Variants in CFI observed in about 807,000 individuals in gnomAD.
The protein encoded by CFI is complement factor I.
CFI carries 66 observed loss-of-function variants against 78.8 expected under a neutral mutation model. The observed-to-expected ratio is 0.84, with a 90% CI of 0.69 to 1.03. The LOEUF (loss-of-function observed/expected upper bound fraction) is 1.03, where lower values mean the gene tolerates loss of function less well. Ranked by LOEUF, CFI falls within the 50% of genes least tolerant of loss-of-function variation. The pLI is 0.00. For synonymous variants in CFI, 250 were observed against 232.6 expected (o/e 1.07, Z -0.68); for missense variants, 706 against 704.5 (o/e 1.00, Z -0.02).
At chr4:109,795,027 T>C (rs1247594828) in intron 1 of CFI, among the ~76,000 whole-genome samples, 1 of 151,926 alleles carries the variant, frequency 6.6e-6, no homozygotes, top group Non-Finnish European at 1.5e-5. Flanking sequence ...AGCATGCAAG[T>C]GGAACAAATA....
chr4:109,756,940 A>G (rs189149024), intron 7 of CFI, among the ~76,000 whole-genome samples: 2 of 150,712 alleles, frequency 1.3e-5, no homozygotes, highest in African/African-American at 4.9e-5. Context: ...AAAGAAAGAA[A>G]GAAAGAAAGA....
Position 109,778,816 on chromosome 4 carries a change from G to T in CFI, c.58-11992C>A, listed in dbSNP as rs575385948. Among the ~76,000 whole-genome samples the T allele has an allele frequency of 8.2e-4, 125 of 152,260 alleles. 1 individual carries two copies. The highest frequency in any genetic ancestry group is 2.9e-3 in the African/African-American group (122 of 41,544). On this transcript the variant is annotated intron_variant, in intron 1 of 12. Transcript: ENST00000394634. ...GTTGGCTTCATCCCTGGGATGCAAGGCTGGTTTAACATATGCAAATCAATA... is the reference window on the plus strand; with the variant it reads ...GTTGGCTTCATCCCTGGGATGCAAGTCTGGTTTAACATATGCAAATCAATA...
chr4:109,754,583 G>C (rs566072565), intron 7 of CFI, among the ~76,000 whole-genome samples: 6 of 152,138 alleles, frequency 3.9e-5, no homozygotes, highest in African/African-American at 1.2e-4. Flanking sequence ...CATGGATGAG[G>C]ATATGGCTGG....
chr4:109,753,891 A>C (rs9715282), intron 7 of CFI, among the ~76,000 whole-genome samples: 259 of 7,784 alleles, frequency 0.033, 30 homozygotes, highest in East Asian at 0.048. Context: ...TATATATTAT[A>C]TAATGTATAA....
chr4:109,789,970 A>G (rs1731186179), intron 1 of CFI, among the ~76,000 whole-genome samples: 1 of 152,068 alleles, frequency 6.6e-6, no homozygotes, highest in Non-Finnish European at 1.5e-5. Context: ...GAAATTTTAA[A>G]ATTACTGATT....
chr4:109,777,884 T>C (rs946996558), intron 1 of CFI, among the ~76,000 whole-genome samples: 1 of 152,044 alleles, frequency 6.6e-6, no homozygotes, highest in Admixed American at 6.6e-5. Flanking sequence ...GAATGACTAC[T>C]GGGTACATAA....
intron 7 of CFI, among the ~76,000 whole-genome samples, chr4:109,757,322 C>A (rs1230146051): frequency 6.6e-6 from 1 of 152,274 alleles, no homozygotes; most frequent in Non-Finnish European, 1.5e-5. Context: ...GCTTAAGCCA[C>A]CGCGCCCGGC....
intron 7 of CFI, among the ~76,000 whole-genome samples, chr4:109,754,723 G>A (rs1323510375): frequency 2.0e-5 from 3 of 152,138 alleles, no homozygotes; most frequent in Admixed American, 2.0e-4. Context: ...GTTTTCTGGG[G>A]TAGAGAGAGG....
At chr4:109,798,459 A>T (rs1321275962) in intron 1 of CFI, among the ~76,000 whole-genome samples, 2 of 152,138 alleles carry the variant, frequency 1.3e-5, no homozygotes, top group Admixed American at 1.3e-4. Context: ...CAAGTTATGT[A>T]CACTAAATAT....
At chr4:109,774,716 G>C (rs1048102012) in intron 1 of CFI, among the ~76,000 whole-genome samples, 1 of 152,206 alleles carries the variant, frequency 6.6e-6, no homozygotes, top group African/African-American at 2.4e-5. Flanking sequence ...AAAGGAGACT[G>C]AGAATATGTG....
intron 6 of CFI, among the ~76,000 whole-genome samples, chr4:109,759,341 A>T (rs989887696): frequency 6.6e-6 from 1 of 152,134 alleles, no homozygotes; most frequent in African/African-American, 2.4e-5. Context: ...AGACTTTAAA[A>T]ACGTAATAAC....
chr4:109,772,614 T>A (rs1353968223), intron 1 of CFI, among the ~76,000 whole-genome samples: 1 of 151,832 alleles, frequency 6.6e-6, no homozygotes, highest in African/African-American at 2.4e-5. Context: ...AGTCTCACTG[T>A]GTTGCCTAAG....
chr4:109,780,691 T>C (rs532895544), intron 1 of CFI, among the ~76,000 whole-genome samples: 3 of 152,302 alleles, frequency 2.0e-5, no homozygotes, highest in Non-Finnish European at 2.9e-5. Flanking sequence ...TAAAGACACA[T>C]GCACACGTAT....
At chr4:109,740,682 T>C (rs767070803), downstream of CFI, 6 of 610,320 alleles carry the variant, frequency 9.8e-6, no homozygotes, top group South Asian at 3.5e-5. Flanking sequence ...AATTTTCTGA[T>C]AAATAAAACT....
At chr4:109,771,594 A>G (rs1320951553) in intron 1 of CFI, among the ~76,000 whole-genome samples, 4 of 151,570 alleles carry the variant, frequency 2.6e-5, no homozygotes, top group African/African-American at 9.7e-5. Flanking sequence ...TGTGCCTGTA[A>G]TCCCAGCTAC....
At chr4:109,737,892 G>A (rs545442189), downstream of CFI, among the ~76,000 whole-genome samples, 285 of 152,302 alleles carry the variant, frequency 1.9e-3, no homozygotes, top group Non-Finnish European at 2.7e-3. Flanking sequence ...TTGGAGTCAG[G>A]TCATCTCACT....
At chr4:109,800,104 C>G (rs1374947643) in intron 1 of CFI, among the ~76,000 whole-genome samples, 1 of 152,118 alleles carries the variant, frequency 6.6e-6, no homozygotes, top group African/African-American at 2.4e-5. Flanking sequence ...GCTGCCATCA[C>G]TTGCACTGCA....
chr4:109,794,379 A>C (rs1344026951), intron 1 of CFI: 1 of 152,044 alleles, frequency 6.6e-6, no homozygotes, highest in Non-Finnish European at 1.5e-5. Flanking sequence ...ACTGATCTTC[A>C]AGTTTGTTGA....
At chr4:109,776,771 C>A (rs541028249) in intron 1 of CFI, among the ~76,000 whole-genome samples, 1 of 152,362 alleles carries the variant, frequency 6.6e-6, no homozygotes, top group East Asian at 1.9e-4. Context: ...AACAGCGGAT[C>A]TCTCCGCAGA....
Sources: allele counts gnomAD v4.1 joint callset (sites outside exome capture counted in the v4.1 genomes callset), GRCh38; gene constraint gnomAD v4.1.1; transcripts MANE v1.5; gene names NCBI Gene and HGNC (gene_info 2026-07-23, HGNC 2026-07-21).